ARHGEF37: variants seen among roughly 807,000 people sequenced by gnomAD.
ARHGEF37 encodes the protein Rho guanine nucleotide exchange factor (GEF) 37.
Under a neutral mutation model 71.1 loss-of-function variants are expected in ARHGEF37, and 55 were observed. That is an observed-to-expected ratio of 0.77 (90% CI 0.62 to 0.97). ARHGEF37 has a LOEUF of 0.97. Among genes scored for constraint, ARHGEF37 ranks in the 50% least tolerant of loss-of-function variants. ARHGEF37 has a pLI of 0.00. For missense variants in ARHGEF37, 765 were observed against 836.8 expected (o/e 0.91, Z 1.06); for synonymous variants, 327 against 350.6 (o/e 0.93, Z 0.75).
At chr5:149,560,630 A>G (rs538848166) in intron 1 of ARHGEF37, among the ~76,000 whole-genome samples, 10 of 152,218 alleles carry the variant, frequency 6.6e-5, no homozygotes, top group African/African-American at 2.4e-4. Context: ...CTTTAAAAAT[A>G]TTGTGCTATT....
upstream of ARHGEF37, among the ~76,000 whole-genome samples, chr5:149,577,703 G>A (rs1763042411): frequency 1.3e-5 from 2 of 152,094 alleles, no homozygotes; most frequent in Admixed American, 1.3e-4. Context: ...TTTAGTTTGG[G>A]GCCTACCAAT....
intron 11 of ARHGEF37, 44 bp from the exon 12 acceptor site, chr5:149,628,765 G>A (rs539493975): frequency 1.7e-5 from 26 of 1,575,674 alleles, no homozygotes; most frequent in East Asian, 9.2e-5. Context: ...TAAAAGGGAC[G>A]GGAAGGTGGC....
chr5:149,566,497 A>AC (rs1293381027), intron 1 of ARHGEF37, among the ~76,000 whole-genome samples: 3 of 139,890 alleles, frequency 2.1e-5, no homozygotes, highest in Non-Finnish European at 3.1e-5. Context: ...GACTGTCTCA[A>AC]CCCCCCCATC....
At chr5:149,589,322 T>TAA (rs1763329280) in intron 1 of ARHGEF37, among the ~76,000 whole-genome samples, 1 of 143,740 alleles carries the variant, frequency 7.0e-6, no homozygotes, top group South Asian at 2.4e-4. Context: ...ACATAATGTT[T>TAA]TATTAATTAA....
At chr5:149,615,112 A>G (rs1423686483) in intron 4 of ARHGEF37, among the ~76,000 whole-genome samples, 1 of 152,114 alleles carries the variant, frequency 6.6e-6, no homozygotes, top group African/African-American at 2.4e-5. Context: ...TCAGTGGTGT[A>G]TCTGGAAGGG....
At chr5:149,595,175 C>CGTTTGTTT (rs988101945) in intron 1 of ARHGEF37, among the ~76,000 whole-genome samples, 3 of 151,952 alleles carry the variant, frequency 2.0e-5, no homozygotes, top group African/African-American at 4.8e-5. Context: ...TTTGTTTGTT[C>CGTTTGTTT]GTTTGTTTGT....
chr5:149,581,177 T>C (rs1240451843), upstream of ARHGEF37, among the ~76,000 whole-genome samples: 1 of 152,180 alleles, frequency 6.6e-6, no homozygotes. Context: ...TATCCAGTAA[T>C]ACCGGGGTCA....
chr5:149,604,981 C>T (rs1317284241), intron 3 of ARHGEF37, among the ~76,000 whole-genome samples: 1 of 151,832 alleles, frequency 6.6e-6, no homozygotes, highest in Non-Finnish European at 1.5e-5. Context: ...AATCCCAGCA[C>T]TTTGGGAGGC....
chr5:149,577,858 G>A (rs994907196), upstream of ARHGEF37, among the ~76,000 whole-genome samples: 7 of 152,216 alleles, frequency 4.6e-5, no homozygotes, highest in African/African-American at 1.7e-4. Context: ...CTTGGTATCA[G>A]TTTTCTCTGA....
chr5:149,616,630 G>A lies in ARHGEF37; in HGVS notation c.522G>A (p.Arg174=), dbSNP rs1752390701. The part of the protein sequence containing the change: ...LLVIPLQRIT[R]YPLLLQKILE... ...TAATTCCTCTGCAGAGGATCACCAG[G>A]TACCCACTGCTGCTGCAGAAAATCC... Residue 174 remains arginine, a synonymous_variant, in exon 5 of 13, where the codon AGG becomes AGA. Transcript: ENST00000333677. 1.2e-6 allele frequency: 2 copies of A among 1,613,276 alleles called. No individual in the cohort carries two copies. The highest frequency in any genetic ancestry group is 1.1e-5 in the South Asian group (1 of 91,016).
chr5:149,580,990 TAGAGTG>T (rs765077402), upstream of ARHGEF37, among the ~76,000 whole-genome samples: 1 of 152,072 alleles, frequency 6.6e-6, no homozygotes, highest in African/African-American at 2.4e-5. Flanking sequence ...TTGCTCCCAG[TAGAGTG>T]AAAGAATGGA....
rs368068877 is a variant in ARHGEF37 at position 149,618,177 on chromosome 5, C to T, written c.660C>T (p.Ala220=). The change falls in exon 6 of 13, where the codon GCC becomes GCT. Residue 220 remains alanine, a splice_region_variant and synonymous_variant. Coordinates refer to ENST00000333677, the MANE Select transcript of ARHGEF37 (RefSeq NM_001001669.3). ...INEYKMRKEV[A]SKYTKVEQLT... is the part of the protein sequence containing the mutation. ...TTCCCCTCTTCTCTGTCGTTGCAGC[C>T]TCCAAGTACACCAAGGTAGAGCAGC... 1.4e-5 allele frequency: 22 copies of T among 1,614,030 alleles called. No homozygotes were observed. In the African/African-American group the frequency reaches 2.5e-4, roughly 19 times the overall value.
Position 149,614,476 on chromosome 5 carries a change from C to T in ARHGEF37, c.459-2091C>T, listed in dbSNP as rs552369455. Among the ~76,000 whole-genome samples the T allele has an allele frequency of 1.1e-4, 16 of 152,228 alleles. No individual in the cohort carries two copies. The East Asian group carries it at 2.5e-3, about 24-fold the overall frequency. On this transcript the variant is annotated intron_variant, in intron 4 of 12. Coordinates refer to ENST00000333677, the MANE Select transcript of ARHGEF37 (RefSeq NM_001001669.3). ...ACCTTAGAAAGTCTGTAAATGTGAGCGGATGCCCTCATTCTTTGGTAATTC... is the reference window on the plus strand; with the variant it reads ...ACCTTAGAAAGTCTGTAAATGTGAGTGGATGCCCTCATTCTTTGGTAATTC...
At chr5:149,622,980 A>G (rs1752587259) in intron 9 of ARHGEF37, among the ~76,000 whole-genome samples, 1 of 152,010 alleles carries the variant, frequency 6.6e-6, no homozygotes. Context: ...TGAAAACTCT[A>G]CTAAGATTTG....
At chr5:149,561,171 G>A (rs1762824926) in intron 1 of ARHGEF37, among the ~76,000 whole-genome samples, 1 of 151,542 alleles carries the variant, frequency 6.6e-6, no homozygotes, top group African/African-American at 2.4e-5. Context: ...TACTCGGGAG[G>A]CTGAGGCAGG....
chr5:149,621,239 G>T (rs895457216), intron 8 of ARHGEF37, among the ~76,000 whole-genome samples: 2 of 152,164 alleles, frequency 1.3e-5, no homozygotes, highest in African/African-American at 2.4e-5. Flanking sequence ...AAGGCAGGAG[G>T]ATTGCTTGAG....
chr5:149,608,030 A>C (rs1473486606), intron 3 of ARHGEF37, among the ~76,000 whole-genome samples: 1 of 152,046 alleles, frequency 6.6e-6, no homozygotes, highest in Non-Finnish European at 1.5e-5. Context: ...GGCCTCCCAC[A>C]GTGCTGGGAT....
chr5:149,612,102 T>C (rs1245216890), intron 4 of ARHGEF37, among the ~76,000 whole-genome samples: 1 of 152,160 alleles, frequency 6.6e-6, no homozygotes, highest in East Asian at 1.9e-4. Context: ...GTACAAAAAG[T>C]ACAGAAAAAT....
intron 1 of ARHGEF37, among the ~76,000 whole-genome samples, chr5:149,561,258 GCAAGACT>G (rs1361743556): frequency 8.2e-6 from 1 of 121,220 alleles, no homozygotes; most frequent in Non-Finnish European, 1.6e-5. Flanking sequence ...GGGCAACAGA[GCAAGACT>G]CTGTCTCAAA....
Sources: gnomAD v4.1 joint callset for allele counts (sites outside exome capture counted in the v4.1 genomes callset) on GRCh38, gnomAD v4.1.1 for gene constraint, MANE v1.5 for transcripts, NCBI Gene and HGNC (gene_info 2026-07-23, HGNC 2026-07-21) for gene names.